The following IL1RAPL1 variants were observed in gnomAD, a reference collection of about 807,000 sequenced individuals.
The protein encoded by IL1RAPL1 is interleukin 1 receptor accessory protein like 1.
A neutral mutation model predicts 48.4 loss-of-function variants in IL1RAPL1; 3 were observed. The ratio of observed to expected loss-of-function variants is 0.06; its 90% CI spans 0.03 to 0.16. IL1RAPL1 has a LOEUF of 0.16. IL1RAPL1 is among the 10% of genes least tolerant of loss of function. The pLI is 1.00. For synonymous variants in IL1RAPL1, 185 were observed against 187.7 expected (o/e 0.99, Z 0.12); for missense variants, 349 against 530.6 (o/e 0.66, Z 3.36).
intron 6 of IL1RAPL1, among the ~76,000 whole-genome samples, chrX:29,777,562 G>A (rs956390639): frequency 9.0e-6 from 1 of 111,610 alleles, no homozygotes; most frequent in African/African-American, 3.2e-5. Context: ...ATTTTGAGTA[G>A]CTTTAAATCC....
chrX:29,049,738 T>G, intron 2 of IL1RAPL1, among the ~76,000 whole-genome samples: 1 of 112,673 alleles, frequency 8.9e-6, no homozygotes, highest in Middle Eastern at 4.6e-3. Context: ...ACTGATTAAC[T>G]TTTTAAAATA....
At chrX:29,462,834 C>T (rs1424043208) in intron 5 of IL1RAPL1, among the ~76,000 whole-genome samples, 5 of 111,676 alleles carry the variant, frequency 4.5e-5, no homozygotes, top group Non-Finnish European at 7.5e-5. Context: ...ATGTGTCTGT[C>T]GGTATTTGGG....
intron 2 of IL1RAPL1, among the ~76,000 whole-genome samples, chrX:28,793,722 A>T (rs1269264962): frequency 9.0e-6 from 1 of 111,363 alleles, no homozygotes; most frequent in Non-Finnish European, 1.9e-5. Context: ...CTTTGCGGGG[A>T]CTAAAGTGTG....
At chrX:29,743,752 G>A (rs1047005950) in intron 6 of IL1RAPL1, among the ~76,000 whole-genome samples, 1 of 112,031 alleles carries the variant, frequency 8.9e-6, no homozygotes, top group Non-Finnish European at 1.9e-5. Context: ...CAAAGTGCTA[G>A]GATTACAGGC....
intron 1 of IL1RAPL1, among the ~76,000 whole-genome samples, chrX:28,776,479 G>A (rs1936363739): frequency 8.9e-6 from 1 of 111,864 alleles, no homozygotes; most frequent in Non-Finnish European, 1.9e-5. Flanking sequence ...CTAGTTGAAA[G>A]TCACATAAAT....
At chrX:29,038,652 T>C (rs1330527009) in intron 2 of IL1RAPL1, among the ~76,000 whole-genome samples, 1 of 111,910 alleles carries the variant, frequency 8.9e-6, no homozygotes, top group Admixed American at 9.5e-5. Flanking sequence ...CTGTTGAGAC[T>C]TTTTCCAGAT....
chrX:29,249,676 G>C (rs946368005), intron 2 of IL1RAPL1, among the ~76,000 whole-genome samples: 4 of 111,772 alleles, frequency 3.6e-5, no homozygotes, highest in South Asian at 3.7e-4. Flanking sequence ...ATCAAAATAT[G>C]TATTTCTTAT....
intron 2 of IL1RAPL1, among the ~76,000 whole-genome samples, chrX:28,968,797 A>G (rs1437713356): frequency 1.8e-5 from 2 of 113,017 alleles, no homozygotes; most frequent in Admixed American, 1.9e-4. Flanking sequence ...GTGCACATAC[A>G]CATATAGAGA....
chrX:29,641,130 C>T (rs1449633226), intron 5 of IL1RAPL1, among the ~76,000 whole-genome samples: 1 of 112,211 alleles, frequency 8.9e-6, no homozygotes, highest in African/African-American at 3.3e-5. Flanking sequence ...ACGATCGCGC[C>T]ACTGCGCTCC....
chrX:28,761,608 C>A (rs957937), intron 1 of IL1RAPL1, among the ~76,000 whole-genome samples: 1 of 109,331 alleles, frequency 9.1e-6, no homozygotes, highest in South Asian at 3.9e-4. Context: ...AGGGAAAGAG[C>A]GGGGCAAGAG....
chrX:29,951,527 C>T (rs764071858), intron 9 of IL1RAPL1, among the ~76,000 whole-genome samples: 5 of 111,197 alleles, frequency 4.5e-5, no homozygotes, highest in Non-Finnish European at 9.4e-5. Flanking sequence ...AAAGGGAAGA[C>T]CACTCAAATA....
chrX:29,463,664 C>T (rs997559472), intron 5 of IL1RAPL1, among the ~76,000 whole-genome samples: 4 of 111,668 alleles, frequency 3.6e-5, no homozygotes, highest in Non-Finnish European at 5.6e-5. Flanking sequence ...ATTGAAATCA[C>T]GACCCCCACA....
At chrX:29,864,036 C>T (rs7881532) in intron 6 of IL1RAPL1, among the ~76,000 whole-genome samples, 1,920 of 111,832 alleles carry the variant, frequency 0.017, 41 homozygotes, top group African/African-American at 0.059. Flanking sequence ...CTGCCTGCCT[C>T]GGCCTCCCAA....
At chrX:29,149,797 G>A (rs907978993) in intron 2 of IL1RAPL1, among the ~76,000 whole-genome samples, 4 of 111,861 alleles carry the variant, frequency 3.6e-5, no homozygotes, top group African/African-American at 1.3e-4. Context: ...AGATGTGGAG[G>A]CTGAAATTAT....
chrX:29,291,292 C>T (rs1268274489), intron 3 of IL1RAPL1, among the ~76,000 whole-genome samples: 1 of 111,623 alleles, frequency 9.0e-6, no homozygotes, highest in Non-Finnish European at 1.9e-5. Flanking sequence ...GAAATGGGGG[C>T]TGCGGATAGG....
At chrX:29,480,971 C>T (rs983181204) in intron 5 of IL1RAPL1, among the ~76,000 whole-genome samples, 2 of 111,650 alleles carry the variant, frequency 1.8e-5, no homozygotes, top group Non-Finnish European at 3.8e-5. Context: ...TAATAGCATC[C>T]ATCCTTAATA....
rs1215558025 is a variant in IL1RAPL1, at chrX:28,904,026, A to G, written c.82+114601A>G. ...TCCATTACAAGATAGACCTACAGTT[A>G]TAGTTTTTTTAACACAAACTTCTAC... is the stretch of plus-strand genomic sequence containing the variant. On this transcript the variant is annotated intron_variant, in intron 2 of 10. Transcript: ENST00000378993. Among the ~76,000 whole-genome samples the G allele has an allele frequency of 2.7e-5, 3 of 110,513 alleles. No homozygotes were observed. In the Admixed American group the frequency reaches 2.9e-4, roughly 11 times the overall value.
intron 5 of IL1RAPL1, among the ~76,000 whole-genome samples, chrX:29,472,807 G>A (rs1035702704): frequency 9.0e-6 from 1 of 111,706 alleles, no homozygotes; most frequent in Non-Finnish European, 1.9e-5. Flanking sequence ...ATACGCTGAA[G>A]ATTTTAGAAT....
At chrX:29,429,324 T>TAACA (rs759080002) in intron 5 of IL1RAPL1, among the ~76,000 whole-genome samples, 2 of 112,129 alleles carry the variant, frequency 1.8e-5, no homozygotes, top group South Asian at 7.4e-4. Context: ...GGCCCCGAAT[T>TAACA]AACAGCTACT....
Sources: gnomAD v4.1 joint callset for allele counts (sites outside exome capture counted in the v4.1 genomes callset) on GRCh38, gnomAD v4.1.1 for gene constraint, MANE v1.5 for transcripts, NCBI Gene and HGNC (gene_info 2026-07-23, HGNC 2026-07-21) for gene names.